DOCK9: variants seen among roughly 807,000 people sequenced by gnomAD.
The protein encoded by DOCK9 is dedicator of cytokinesis 9, also known as dedicator of cytokinesis protein 9.
A neutral mutation model predicts 263.3 loss-of-function variants in DOCK9; 89 were observed. The ratio of observed to expected loss-of-function variants is 0.34; its 90% CI spans 0.28 to 0.40. The LOEUF (loss-of-function observed/expected upper bound fraction) is 0.40, where lower values mean the gene tolerates loss of function less well. DOCK9 is among the 10% of genes least tolerant of loss of function. DOCK9 has a pLI of 1.00. For missense variants in DOCK9, 2,140 were observed against 2,603.4 expected (o/e 0.82, Z 3.87); for synonymous variants, 976 against 973.1 (o/e 1.00, Z -0.06).
intron 1 of DOCK9, among the ~76,000 whole-genome samples, chr13:99,084,554 A>T (rs2042254573): frequency 6.6e-6 from 1 of 151,922 alleles, no homozygotes; most frequent in East Asian, 1.9e-4. Context: ...GGGAATGGAC[A>T]CTCCTAGGTC....
intron 1 of DOCK9, among the ~76,000 whole-genome samples, chr13:98,959,804 G>A (rs1292724685): frequency 2.6e-5 from 4 of 152,178 alleles, no homozygotes; most frequent in African/African-American, 9.7e-5. Context: ...ACTTGGAGGT[G>A]GATCTGTGGG....
chr13:99,005,206 T>C (rs1883114761), intron 1 of DOCK9, among the ~76,000 whole-genome samples: 1 of 152,222 alleles, frequency 6.6e-6, no homozygotes, highest in Admixed American at 6.5e-5. Flanking sequence ...ACAGGCTATT[T>C]ACTGAGGAAA....
At chr13:99,053,866 C>T (rs1265477705) in intron 1 of DOCK9, among the ~76,000 whole-genome samples, 1 of 152,134 alleles carries the variant, frequency 6.6e-6, no homozygotes, top group Admixed American at 6.5e-5. Context: ...CCCTCCTACT[C>T]CCAAGAAAAC....
intron 1 of DOCK9, among the ~76,000 whole-genome samples, chr13:99,020,532 T>A (rs1364337622): frequency 1.3e-5 from 2 of 152,182 alleles, no homozygotes; most frequent in Non-Finnish European, 2.9e-5. Context: ...AGCTAACAGG[T>A]CCCAAGCTTT....
chr13:98,985,210 G>A (rs577838656), intron 1 of DOCK9, among the ~76,000 whole-genome samples: 128 of 152,210 alleles, frequency 8.4e-4, no homozygotes, highest in South Asian at 2.1e-3. Context: ...TCAGGCTGAC[G>A]AAGGACACAT....
At chr13:98,899,062 T>TC (rs1222748152) in intron 13 of DOCK9, among the ~76,000 whole-genome samples, 2 of 151,712 alleles carry the variant, frequency 1.3e-5, no homozygotes, top group Non-Finnish European at 1.5e-5. Context: ...ATTTTTTTTT[T>TC]TTTTTTTTTA....
intron 2 of DOCK9, among the ~76,000 whole-genome samples, chr13:98,935,373 AACAAC>A (rs2054644438): frequency 6.6e-6 from 1 of 152,248 alleles, no homozygotes; most frequent in African/African-American, 2.4e-5. Context: ...TCTTGAATTA[AACAAC>A]ACTAAAAGTC....
At chr13:98,815,356 A>G (rs2091748468) in intron 45 of DOCK9, among the ~76,000 whole-genome samples, 1 of 152,244 alleles carries the variant, frequency 6.6e-6, no homozygotes, top group Non-Finnish European at 1.5e-5. Flanking sequence ...GAAACCATCA[A>G]GGGCATGGAA....
At chr13:98,868,845 GTGTTC>G (rs1168937104) in intron 27 of DOCK9, among the ~76,000 whole-genome samples, 1 of 152,220 alleles carries the variant, frequency 6.6e-6, no homozygotes. Flanking sequence ...TACTGTGAAA[GTGTTC>G]AAATACTTCA....
chr13:98,795,333 C>T (rs1265763425), intron 52 of DOCK9, among the ~76,000 whole-genome samples: 5 of 152,138 alleles, frequency 3.3e-5, no homozygotes, highest in Non-Finnish European at 5.9e-5. Flanking sequence ...CTCCTCTGAC[C>T]CTGAACAAGT....
intron 43 of DOCK9, among the ~76,000 whole-genome samples, chr13:98,828,506 C>G (rs1040439657): frequency 6.6e-6 from 1 of 151,986 alleles, no homozygotes; most frequent in African/African-American, 2.4e-5. Context: ...ATATTGAGCT[C>G]CTTGAAAAAT....
At chr13:98,851,293 G>A (rs117826829) in intron 35 of DOCK9, among the ~76,000 whole-genome samples, 155 of 152,302 alleles carry the variant, frequency 1.0e-3, no homozygotes, top group African/African-American at 3.4e-3. Flanking sequence ...TCTAAAGGCC[G>A]CTTGGCCTAT....
intron 2 of DOCK9, among the ~76,000 whole-genome samples, chr13:98,939,949 T>G (rs1342738942): frequency 3.3e-5 from 5 of 152,266 alleles, no homozygotes; most frequent in African/African-American, 1.2e-4. Context: ...TGCACTGGTC[T>G]GTACATTAAA....
rs150384919 is a variant in DOCK9, at chr13:98,961,423, C to A, written c.127-5872G>T. On this transcript the variant is annotated intron_variant, in intron 1 of 52. Coordinates refer to ENST00000682017, the MANE Select transcript of DOCK9 (RefSeq NM_001366683.2). Reference sequence around the variant, plus strand: ...CACCTCTACACCTGTCACAGTCCTGCAGCCCCTTGGGTGACGGTCTACAAA... The same window carrying A: ...CACCTCTACACCTGTCACAGTCCTGAAGCCCCTTGGGTGACGGTCTACAAA... Among the ~76,000 whole-genome samples, 994 of 152,316 alleles carry A rather than the reference C, an allele frequency of 6.5e-3. 8 individuals carry two copies. The highest frequency in any genetic ancestry group is 0.011 in the Admixed American group (161 of 15,302).
At chr13:98,999,316 A>ACACACACACTCTCT in intron 1 of DOCK9, among the ~76,000 whole-genome samples, 7,850 of 138,140 alleles carry the variant, frequency 0.057, 257 homozygotes, top group Middle Eastern at 0.12. Flanking sequence ...ACACACACAC[A>ACACACACACTCTCT]CTCTCTCTCT....
At chr13:98,980,051 G>A (rs184937321), upstream of DOCK9, among the ~76,000 whole-genome samples, 207 of 152,294 alleles carry the variant, frequency 1.4e-3, 5 homozygotes, top group Admixed American at 0.013. Context: ...TTTGAGACAG[G>A]GTCTTGCTCT....
chr13:99,008,744 T>C (rs1200744094), intron 1 of DOCK9, among the ~76,000 whole-genome samples: 2 of 152,184 alleles, frequency 1.3e-5, no homozygotes, highest in Non-Finnish European at 2.9e-5. Context: ...AAGGCTATCT[T>C]GGCTTCTTCC....
upstream of DOCK9, among the ~76,000 whole-genome samples, chr13:98,978,723 G>A (rs1876039535): frequency 6.6e-6 from 1 of 152,178 alleles, no homozygotes; most frequent in African/African-American, 2.4e-5. Context: ...GTATAAGGTA[G>A]AGTATCTCTC....
intron 1 of DOCK9, among the ~76,000 whole-genome samples, chr13:99,085,696 G>C (rs944307744): frequency 5.3e-5 from 8 of 152,086 alleles, no homozygotes; most frequent in Admixed American, 5.2e-4. Flanking sequence ...GGGCGCAGGA[G>C]AGGATGCCGA....
Sources: allele counts gnomAD v4.1 joint callset (sites outside exome capture counted in the v4.1 genomes callset), GRCh38; gene constraint gnomAD v4.1.1; transcripts MANE v1.5; gene names NCBI Gene and HGNC (gene_info 2026-07-23, HGNC 2026-07-21).